PIBF1: variants seen among roughly 807,000 people sequenced by gnomAD.
The protein encoded by PIBF1 is progesterone immunomodulatory binding factor 1, also known as progesterone-induced-blocking factor 1.
A neutral mutation model predicts 112.5 loss-of-function variants in PIBF1; 90 were observed. The ratio of observed to expected loss-of-function variants is 0.80; its 90% confidence interval spans 0.67 to 0.95. The LOEUF is 0.95. PIBF1 is among the 40% of genes least tolerant of loss of function. The pLI is 0.00. For synonymous variants in PIBF1, 301 were observed against 288.6 expected (o/e 1.04, Z -0.44); for missense variants, 915 against 852.3 (o/e 1.07, Z -0.92).
At chr13:72,919,990 G>A (rs932023510) in intron 13 of PIBF1, among the ~76,000 whole-genome samples, 3 of 152,204 alleles carry the variant, frequency 2.0e-5, no homozygotes, top group Admixed American at 2.0e-4. Context: ...AAGAAAAACA[G>A]AAAAGAAAGA....
Position 72,845,140 on chromosome 13 carries a change from G to A in PIBF1, c.1224-8917G>A, listed in dbSNP as rs567503275. 4.2e-5 allele frequency among the ~76,000 whole-genome samples: 6 copies of A among 143,004 alleles called. No individual in the cohort carries two copies. In the East Asian group the frequency reaches 8.2e-4, roughly 20 times the overall value. 93.8% of individuals were successfully genotyped at this position (143,004 alleles called of 152,430 possible). A position where few individuals can be genotyped will look rare whatever the true frequency, so the allele number is the denominator to read the frequency against. On this transcript the variant is annotated intron_variant, in intron 9 of 17. Transcript: ENST00000326291. ...TTGTCCTAATGCTCTCCCTCCCCTT[G>A]CCCCCCACCCCCAAGTTGGCTCCAG...
intron 15 of PIBF1, among the ~76,000 whole-genome samples, chr13:72,966,910 AAAAAATT>A (rs2042754870): frequency 6.7e-6 from 1 of 148,200 alleles, no homozygotes; most frequent in Admixed American, 6.8e-5. Context: ...CTCTGTCTCA[AAAAAATT>A]AAAATTAAAA....
At chr13:72,794,730 C>T (rs2035104813) in intron 3 of PIBF1, among the ~76,000 whole-genome samples, 1 of 152,198 alleles carries the variant, frequency 6.6e-6, no homozygotes, top group South Asian at 2.1e-4. Context: ...GAGGCCTCCC[C>T]TGCCATGTGG....
intron 8 of PIBF1, among the ~76,000 whole-genome samples, chr13:72,833,450 C>A (rs1479488779): frequency 6.6e-6 from 1 of 151,978 alleles, no homozygotes; most frequent in Non-Finnish European, 1.5e-5. Flanking sequence ...CAGATGGGGT[C>A]TTTGAGTGGA....
rs118034510 is a variant in PIBF1, at chr13:72,884,195, A to G, written c.1323-9589A>G. On this transcript the variant is annotated intron_variant, in intron 10 of 17. Coordinates refer to ENST00000326291, the MANE Select transcript of PIBF1 (RefSeq NM_006346.4). ...ATGAAAAAACTGTTTATACCTGTAT[A>G]TGACAGTAAATAAAAGCACTCAAAT... Among the ~76,000 whole-genome samples the G allele has an allele frequency of 8.6e-4, 131 of 152,370 alleles. 2 individuals carry two copies. The East Asian group carries it at 0.021, about 24-fold the overall frequency.
intron 10 of PIBF1, among the ~76,000 whole-genome samples, chr13:72,869,663 C>T (rs1220556695): frequency 6.6e-6 from 1 of 151,408 alleles, no homozygotes; most frequent in East Asian, 1.9e-4. Flanking sequence ...ATAAAGCATT[C>T]CACTTATAAG....
intron 13 of PIBF1, among the ~76,000 whole-genome samples, chr13:72,918,960 T>G (rs1279859552): frequency 2.0e-5 from 3 of 152,294 alleles, no homozygotes; most frequent in Non-Finnish European, 4.4e-5. Context: ...CACCTCGGCC[T>G]CCCAAAGTGC....
At chr13:72,806,335 C>G (rs1338823023) in intron 5 of PIBF1, among the ~76,000 whole-genome samples, 1 of 151,430 alleles carries the variant, frequency 6.6e-6, no homozygotes. Context: ...GCATAATGCC[C>G]TCAGGGTTTA....
intron 9 of PIBF1, 45 bp from the exon 10 acceptor site, chr13:72,854,012 T>TAAATCACGCATTTG: frequency 7.5e-7 from 1 of 1,331,398 alleles, no homozygotes; most frequent in Middle Eastern, 1.8e-4. Flanking sequence ...AGAACATAGA[T>TAAATCACGCATTTG]AAATCACGCA....
intron 11 of PIBF1, among the ~76,000 whole-genome samples, chr13:72,904,749 C>A (rs1015983229): frequency 6.6e-6 from 1 of 151,372 alleles, no homozygotes; most frequent in African/African-American, 2.4e-5. Flanking sequence ...CAAAATATTT[C>A]TTTTTTAATG....
intron 13 of PIBF1, among the ~76,000 whole-genome samples, chr13:72,920,542 G>A (rs929551561): frequency 3.9e-5 from 6 of 152,172 alleles, no homozygotes; most frequent in Admixed American, 6.5e-5. Context: ...TAAAGAAAGC[G>A]GTGGCTTTGC....
chr13:72,985,457 T>C lies in PIBF1; in HGVS notation c.2049+11782T>C, dbSNP rs1472401042. 2.0e-5 allele frequency among the ~76,000 whole-genome samples: 3 copies of C among 150,826 alleles called. No individual in the cohort carries two copies. The East Asian group carries it at 5.9e-4, about 29-fold the overall frequency. ...TGGGAGGCTGAGGCAGGAGAATGGCTGAACCCGGGAGGCAGAGCTTGCAGT... is the reference window on the plus strand; with the variant it reads ...TGGGAGGCTGAGGCAGGAGAATGGCCGAACCCGGGAGGCAGAGCTTGCAGT... On this transcript the variant is annotated intron_variant, in intron 16 of 17. Transcript: ENST00000326291.
At chr13:72,913,066 T>G (rs1045021205) in intron 12 of PIBF1, among the ~76,000 whole-genome samples, 1 of 151,854 alleles carries the variant, frequency 6.6e-6, no homozygotes, top group Non-Finnish European at 1.5e-5. Context: ...AAAATTTTTT[T>G]TTTTATTTTT....
intron 10 of PIBF1, among the ~76,000 whole-genome samples, chr13:72,857,699 G>A (rs758890586): frequency 1.3e-5 from 2 of 152,074 alleles, no homozygotes; most frequent in Non-Finnish European, 2.9e-5. Context: ...TATTAGCCTG[G>A]CATAGTGGCA....
chr13:72,954,759 T>A (rs1177994322), intron 14 of PIBF1, among the ~76,000 whole-genome samples: 1 of 152,220 alleles, frequency 6.6e-6, no homozygotes, highest in East Asian at 1.9e-4. Flanking sequence ...CCACTTCTTT[T>A]AAAGGATCTG....
intron 5 of PIBF1, among the ~76,000 whole-genome samples, chr13:72,816,322 C>A (rs565887136): frequency 6.6e-6 from 1 of 152,192 alleles, no homozygotes; most frequent in South Asian, 2.1e-4. Context: ...TAGGGTCCAC[C>A]ACATGTGATG....
chr13:72,937,365 T>C (rs938198981), intron 14 of PIBF1, among the ~76,000 whole-genome samples: 3 of 152,222 alleles, frequency 2.0e-5, no homozygotes, highest in Non-Finnish European at 4.4e-5. Context: ...CTTTAACTTA[T>C]CACCATGTAG....
intron 2 of PIBF1, 48 bp from the exon 3 acceptor site, chr13:72,792,398 GT>G (rs2034978253): frequency 8.6e-7 from 1 of 1,162,394 alleles, no homozygotes. Flanking sequence ...GAAACTGAAA[GT>G]TTTTCTTTAT....
chr13:72,928,984 C>T (rs779377338), intron 13 of PIBF1, among the ~76,000 whole-genome samples: 8 of 152,150 alleles, frequency 5.3e-5, no homozygotes, highest in Non-Finnish European at 8.8e-5. Flanking sequence ...ATTTGTAACT[C>T]TAGTTCTGTG....
Sources: gnomAD v4.1 joint callset for allele counts (sites outside exome capture counted in the v4.1 genomes callset) on GRCh38, gnomAD v4.1.1 for gene constraint, MANE v1.5 for transcripts, NCBI Gene and HGNC (gene_info 2026-07-23, HGNC 2026-07-21) for gene names.